SOS1: variants seen among roughly 807,000 people sequenced by gnomAD.
SOS1 encodes the protein son of sevenless homolog 1.
In SOS1, 25 loss-of-function variants were observed where a neutral mutation model predicts 157.6. That is an observed-to-expected ratio of 0.16 (90% CI 0.12 to 0.22). SOS1 has a LOEUF of 0.22. SOS1 is among the 10% of genes least tolerant of loss of function. SOS1 has a pLI of 1.00. For synonymous variants in SOS1, 528 were observed against 534.0 expected, an observed-to-expected ratio of 0.99 and a Z score of 0.16; for missense variants, 1,237 against 1,599.1, an observed-to-expected ratio of 0.77 and a Z score of 3.86.
chr2:39,047,242 TTC>T (rs1266906538), intron 6 of SOS1, among the ~76,000 whole-genome samples: 1 of 152,246 alleles, frequency 6.6e-6, no homozygotes, highest in Non-Finnish European at 1.5e-5. Context: ...TCAGCAGTTA[TTC>T]TTTTTTATTG....
intron 6 of SOS1, among the ~76,000 whole-genome samples, chr2:39,050,362 T>C (rs1404472287): frequency 1.3e-5 from 2 of 152,212 alleles, no homozygotes; most frequent in African/African-American, 4.8e-5. Flanking sequence ...CTGGACCTTA[T>C]TGTCCTATTT....
chr2:39,047,607 A>T (rs1264180270), intron 6 of SOS1, among the ~76,000 whole-genome samples: 2 of 152,192 alleles, frequency 1.3e-5, no homozygotes, highest in African/African-American at 4.8e-5. Flanking sequence ...CTGAAAAACA[A>T]AACAAAACAA....
intron 1 of SOS1, among the ~76,000 whole-genome samples, chr2:39,078,029 C>T (rs1672075426): frequency 6.6e-6 from 1 of 152,072 alleles, no homozygotes; most frequent in South Asian, 2.1e-4. Context: ...CACATATAAC[C>T]TATAAAGGAA....
intron 8 of SOS1, among the ~76,000 whole-genome samples, chr2:39,033,075 T>G (rs868820292): frequency 6.7e-6 from 1 of 148,614 alleles, no homozygotes; most frequent in Middle Eastern, 3.5e-3. Flanking sequence ...TTTTTCTTCT[T>G]TTTTTTTTTT....
chr2:38,993,483 A>G (rs1261950914), intron 20 of SOS1: 1 of 152,188 alleles, frequency 6.6e-6, no homozygotes, highest in Admixed American at 6.6e-5. Flanking sequence ...AGATGGCCCA[A>G]AGACAACAAA....
At chr2:39,093,411 C>A (rs1490479819) in intron 1 of SOS1, among the ~76,000 whole-genome samples, 2 of 152,232 alleles carry the variant, frequency 1.3e-5, no homozygotes, top group East Asian at 3.9e-4. Flanking sequence ...TCACTTCCAC[C>A]AAGACATAAG....
Position 39,013,968 on chromosome 2 carries a change from C to T in SOS1, c.1962G>A (p.Glu654=), listed in dbSNP as rs144382701. Reference sequence around the variant, plus strand: ...TAGCTATGCGATCAGCTTCTGTTGGCTCAGGCTCTGGAATTTCAAACCTAA... The same window carrying T: ...TAGCTATGCGATCAGCTTCTGTTGGTTCAGGCTCTGGAATTTCAAACCTAA... ...IIERFEIPEP[E]PTEADRIAIE... The change falls in exon 12 of 23, where the codon GAG becomes GAA. Residue 654 remains glutamate, a synonymous_variant. Transcript: ENST00000402219. 343 of 1,605,860 alleles carry T rather than the reference C, an allele frequency of 2.1e-4. No individual in the cohort carries two copies. The highest frequency in any genetic ancestry group is 2.6e-4 in the Non-Finnish European group (307 of 1,173,576).
At chr2:39,086,470 A>T (rs1159063619) in intron 1 of SOS1, among the ~76,000 whole-genome samples, 1 of 152,216 alleles carries the variant, frequency 6.6e-6, no homozygotes, top group Non-Finnish European at 1.5e-5. Context: ...CAGACATGCA[A>T]TTAGCAAATA....
intron 1 of SOS1, among the ~76,000 whole-genome samples, chr2:39,115,134 C>A (rs917019282): frequency 6.6e-6 from 1 of 152,148 alleles, no homozygotes; most frequent in African/African-American, 2.4e-5. Context: ...TGAGGTACAA[C>A]TGACATACAA....
At chr2:39,115,454 GC>G (rs1673614041) in intron 1 of SOS1, among the ~76,000 whole-genome samples, 1 of 28,320 alleles carries the variant, frequency 3.5e-5, no homozygotes, top group African/African-American at 1.7e-4. Context: ...TCATTTTTTT[GC>G]CCAGGCTGGA....
chr2:39,097,832 TG>T (rs1170568446), intron 1 of SOS1, among the ~76,000 whole-genome samples: 2 of 152,228 alleles, frequency 1.3e-5, no homozygotes, highest in African/African-American at 2.4e-5. Flanking sequence ...CCCAAAGTGC[TG>T]GGATTACAGG....
intron 12 of SOS1, 139 bp from the exon 13 acceptor site, chr2:39,013,702 A>G (rs1669537833): frequency 3.0e-5 from 27 of 890,434 alleles, no homozygotes; most frequent in Admixed American, 3.8e-5. Context: ...CCAAAATTCT[A>G]TGTTAAGGCT....
upstream of SOS1, among the ~76,000 whole-genome samples, chr2:39,121,340 G>T (rs1206999906): frequency 2.0e-5 from 3 of 152,188 alleles, no homozygotes; most frequent in Admixed American, 2.0e-4. Context: ...CTTCGTTTCG[G>T]AAAGGGGTGT....
chr2:39,098,612 G>A (rs942320347), intron 1 of SOS1, among the ~76,000 whole-genome samples: 6 of 152,114 alleles, frequency 3.9e-5, no homozygotes, highest in African/African-American at 1.2e-4. Context: ...AAATTTGGCC[G>A]GGTGCGGTGG....
chr2:39,105,055 A>G (rs1335960932), intron 1 of SOS1, among the ~76,000 whole-genome samples: 1 of 152,216 alleles, frequency 6.6e-6, no homozygotes, highest in East Asian at 1.9e-4. Flanking sequence ...AAAAGTTATT[A>G]AATGTTCTAT....
intron 21 of SOS1, 136 bp from the exon 22 acceptor site, chr2:38,987,727 T>C: frequency 3.1e-6 from 2 of 645,148 alleles, no homozygotes; most frequent in Admixed American, 2.4e-5. Flanking sequence ...AATAAACCAA[T>C]ACCGAATAGT....
chr2:39,004,186 T>C (rs1446580132), intron 17 of SOS1, among the ~76,000 whole-genome samples: 21 of 151,848 alleles, frequency 1.4e-4, no homozygotes, highest in African/African-American at 3.1e-4. Context: ...GAGGCCAAGG[T>C]GGGCGGATCA....
chr2:39,069,899 G>A (rs1671740239), intron 1 of SOS1, among the ~76,000 whole-genome samples: 1 of 152,072 alleles, frequency 6.6e-6, no homozygotes, highest in Non-Finnish European at 1.5e-5. Context: ...AACCCAGAAG[G>A]CTTAAATCAT....
At chr2:39,115,574 CTGGCTAATTTTTTTAAATGTTT>C (rs1673619799) in intron 1 of SOS1, among the ~76,000 whole-genome samples, 4 of 151,938 alleles carry the variant, frequency 2.6e-5, no homozygotes, top group Non-Finnish European at 1.5e-5. Flanking sequence ...GCCACCACAC[CTGGCTAATTTTTTTAAATGTTT>C]TGGCTAATTT....
Sources: allele counts gnomAD v4.1 joint callset (sites outside exome capture counted in the v4.1 genomes callset), GRCh38; gene constraint gnomAD v4.1.1; transcripts MANE v1.5; gene names NCBI Gene and HGNC (gene_info 2026-07-23, HGNC 2026-07-21).